The following LPCAT2 variants were observed in gnomAD, a reference collection of about 807,000 sequenced individuals.
LPCAT2 encodes the protein 1-AGP acyltransferase 11.
A neutral mutation model predicts 64.7 loss-of-function variants in LPCAT2; 58 were observed. The ratio of observed to expected loss-of-function variants is 0.90; its 90% CI spans 0.73 to 1.12. The LOEUF is 1.12. LPCAT2 is among the 50% of genes most tolerant of loss of function. The pLI is 0.00. For synonymous variants in LPCAT2, 252 were observed against 245.3 expected (o/e 1.03, Z -0.26); for missense variants, 579 against 669.8 (o/e 0.86, Z 1.50).
intron 13 of LPCAT2, among the ~76,000 whole-genome samples, chr16:55,580,180 TA>T (rs1237180458): frequency 6.6e-6 from 1 of 152,200 alleles, no homozygotes; most frequent in East Asian, 1.9e-4. Context: ...GTAGATCACA[TA>T]CTTCTCTTAC....
At chr16:55,534,539 A>AATAAATGATCTT in intron 7 of LPCAT2, 62 bp downstream of exon 7, 1 of 773,710 alleles carries the variant, frequency 1.3e-6, no homozygotes, top group Non-Finnish European at 2.1e-6. Flanking sequence ...AAAAAGAAAG[A>AATAAATGATCTT]TCATTTATTC....
chr16:55,539,529 C>T (rs975122272), intron 8 of LPCAT2: 1 of 152,062 alleles, frequency 6.6e-6, no homozygotes, highest in Non-Finnish European at 1.5e-5. Context: ...TTATGACTCC[C>T]CCTTTCACCC....
chr16:55,517,613 A>T (rs1351204093), intron 1 of LPCAT2, among the ~76,000 whole-genome samples: 1 of 152,188 alleles, frequency 6.6e-6, no homozygotes, highest in Non-Finnish European at 1.5e-5. Context: ...AGCAAACTGA[A>T]TCCAGCAACT....
At chr16:55,552,189 C>A (rs1319813823) in intron 11 of LPCAT2, among the ~76,000 whole-genome samples, 1 of 152,176 alleles carries the variant, frequency 6.6e-6, no homozygotes, top group East Asian at 1.9e-4. Flanking sequence ...TAAATGGAAT[C>A]ATACAGTATA....
intron 11 of LPCAT2, chr16:55,567,030 GA>G: frequency 6.2e-7 from 1 of 1,613,894 alleles, no homozygotes; most frequent in Non-Finnish European, 8.5e-7. Flanking sequence ...GGCTGGACCA[GA>G]CATGGAGGTG....
intron 8 of LPCAT2, among the ~76,000 whole-genome samples, chr16:55,544,693 C>T (rs1344441918): frequency 1.3e-5 from 2 of 152,122 alleles, no homozygotes; most frequent in African/African-American, 4.8e-5. Flanking sequence ...TTCCTGTGTG[C>T]ACTCTCTCCC....
intron 1 of LPCAT2, among the ~76,000 whole-genome samples, chr16:55,520,051 A>T (rs1446369264): frequency 2.0e-5 from 3 of 152,194 alleles, no homozygotes; most frequent in Non-Finnish European, 4.4e-5. Context: ...ACCCAAATAC[A>T]TCAATAATTA....
chr16:55,566,723 G>T (rs761641680), intron 11 of LPCAT2: 44 of 1,572,966 alleles, frequency 2.8e-5, no homozygotes, highest in Admixed American at 1.5e-4. Flanking sequence ...CCATCTCTAA[G>T]ATTGCTGCCG....
intron 11 of LPCAT2, among the ~76,000 whole-genome samples, chr16:55,570,729 C>T (rs1206773477): frequency 3.9e-5 from 6 of 152,132 alleles, no homozygotes; most frequent in African/African-American, 1.4e-4. Context: ...CTTGAAGAAC[C>T]TTCAGAATTG....
At chr16:55,516,699 T>G (rs1447376582) in intron 1 of LPCAT2, among the ~76,000 whole-genome samples, 1 of 152,144 alleles carries the variant, frequency 6.6e-6, no homozygotes, top group African/African-American at 2.4e-5. Flanking sequence ...TGCTAGAGAC[T>G]TCAATTACTC....
At chr16:55,567,613 T>C in intron 11 of LPCAT2, 1 of 1,088,242 alleles carries the variant, frequency 9.2e-7, no homozygotes, top group Non-Finnish European at 1.3e-6. Context: ...CCTGGCAAGC[T>C]CTTTCACAAC....
At chr16:55,552,336 C>T (rs1963527115) in intron 11 of LPCAT2, among the ~76,000 whole-genome samples, 1 of 152,134 alleles carries the variant, frequency 6.6e-6, no homozygotes, top group South Asian at 2.1e-4. Flanking sequence ...GTTACTTTAT[C>T]TATTCCCTAG....
Position 55,549,322 on chromosome 16 carries a change from A to G in LPCAT2, c.981A>G (p.Arg327=), listed in dbSNP as rs146335202. 7.0e-5 allele frequency: 112 copies of G among 1,605,126 alleles called. No homozygotes were observed. The highest frequency in any genetic ancestry group is 8.7e-5 in the Non-Finnish European group (102 of 1,176,370). ...CAGATCATACCTATGAAGACTGCAG[A>G]TTGATGATTTCAGCAGGACAGCTAA... ...PVTDHTYEDC[R]LMISAGQLTL... is the part of the protein sequence containing the mutation. The change falls in exon 10 of 14, where the codon AGA becomes AGG. Residue 327 remains arginine, a synonymous_variant. Transcript: ENST00000262134.
chr16:55,538,475 T>C (rs1963351680), intron 8 of LPCAT2: 1 of 152,146 alleles, frequency 6.6e-6, no homozygotes, highest in African/African-American at 2.4e-5. Flanking sequence ...CTATTTTGCT[T>C]TGCTAGATAG....
chr16:55,547,952 G>C (rs1225398598), intron 9 of LPCAT2, among the ~76,000 whole-genome samples: 1 of 152,082 alleles, frequency 6.6e-6, no homozygotes, highest in African/African-American at 2.4e-5. Context: ...ATTTTTAGTA[G>C]AGATGGGGTT....
chr16:55,528,542 G>A lies in LPCAT2; in HGVS notation c.477G>A (p.Gly159=), dbSNP rs1963205689. 3 of 1,613,762 alleles carry A rather than the reference G, an allele frequency of 1.9e-6. No individual in the cohort carries two copies. The highest frequency in any genetic ancestry group is 2.2e-5 in the East Asian group (1 of 44,860). ...ATGGAATTGCCTGTGTTGTAGCTGGGTTACCTTCTATGGTATCTCGAAATG... is the reference window on the plus strand; with the variant it reads ...ATGGAATTGCCTGTGTTGTAGCTGGATTACCTTCTATGGTATCTCGAAATG... ...FFDGIACVVA[G]LPSMVSRNEN... The change falls in exon 3 of 14, where the codon GGG becomes GGA. Residue 159 remains glycine (G), a synonymous_variant. Transcript: ENST00000262134.
chr16:55,550,961 T>G lies in LPCAT2; in HGVS notation c.1074T>G (p.Asp358Glu). Residue 358 changes from aspartate to glutamate, a missense_variant, in exon 11 of 14, where the codon GAT becomes GAG. Physicochemically the swap from Asp to Glu is conservative, Grantham distance 45. Coordinates refer to ENST00000262134, the MANE Select transcript of LPCAT2 (RefSeq NM_017839.5). The part of the protein sequence containing the change: ...KISRKLKLDW[D>E]GVRKHLDEYA... ...TTTGTTTGTTTAGATTAGATTGGGATGGTGTTCGTAAGCATTTGGATGAAT... is the reference window on the plus strand; with the variant it reads ...TTTGTTTGTTTAGATTAGATTGGGAGGGTGTTCGTAAGCATTTGGATGAAT... 6.2e-7 allele frequency: 1 copy of G among 1,600,034 alleles called. No individual in the cohort carries two copies.
Position 55,574,697 on chromosome 16 carries a change from A to G in LPCAT2, c.1282A>G (p.Asn428Asp), listed in dbSNP as rs557262071. 30 of 1,613,552 alleles carry G rather than the reference A, an allele frequency of 1.9e-5. No individual in the cohort carries two copies. The South Asian group carries it at 3.1e-4, about 17-fold the overall frequency. The change falls in exon 12 of 14, where the codon AAC becomes GAC. Residue 428 changes from asparagine (N) to aspartate (D), a missense_variant. By Grantham distance (23) the Asn-to-Asp change is conservative. Coordinates refer to ENST00000262134, the MANE Select transcript of LPCAT2 (RefSeq NM_017839.5). ...CCTGGCTGTCTTGTGCAACCCTTCC[A>G]ACACAGAGGAGATCATCCAGGTGGC... ...IGLAVLCNPS[N>D]TEEIIQVAFK...
intron 1 of LPCAT2, 93 bp downstream of exon 1, chr16:55,509,445 G>C: frequency 8.2e-7 from 1 of 1,222,766 alleles, no homozygotes; most frequent in Non-Finnish European, 1.0e-6. Flanking sequence ...AGAGAGGAGG[G>C]CGGCCGAGGG....
Sources: allele counts gnomAD v4.1 joint callset (sites outside exome capture counted in the v4.1 genomes callset), GRCh38; gene constraint gnomAD v4.1.1; transcripts MANE v1.5; gene names NCBI Gene and HGNC (gene_info 2026-07-23, HGNC 2026-07-21).